NIPBL: variants seen among roughly 807,000 people sequenced by gnomAD.
The protein encoded by NIPBL is nipped-B-like protein.
A neutral mutation model predicts 321.8 loss-of-function variants in NIPBL; 19 were observed. The observed-to-expected ratio is 0.06, with a 90% CI of 0.04 to 0.09. The LOEUF is 0.09. Among genes scored for constraint, NIPBL ranks in the 10% least tolerant of loss-of-function variants. NIPBL has a pLI of 1.00. For synonymous variants in NIPBL, 1,106 were observed against 1,114.1 expected (o/e 0.99, Z 0.14); for missense variants, 2,210 against 3,327.0 (o/e 0.66, Z 8.26).
intron 38 of NIPBL, among the ~76,000 whole-genome samples, chr5:37,047,716 T>C (rs954409807): frequency 1.4e-4 from 22 of 152,344 alleles, no homozygotes; most frequent in Middle Eastern, 3.4e-3. Context: ...GGGCCATAGT[T>C]ATCCTGAGTG....
intron 9 of NIPBL, among the ~76,000 whole-genome samples, chr5:36,982,496 G>A (rs1744257782): frequency 6.6e-6 from 1 of 151,716 alleles, no homozygotes; most frequent in African/African-American, 2.4e-5. Flanking sequence ...TTCAGTAGTT[G>A]AACGATTAAA....
intron 29 of NIPBL, among the ~76,000 whole-genome samples, chr5:37,023,949 C>G (rs1380065753): frequency 6.6e-6 from 1 of 151,346 alleles, no homozygotes; most frequent in East Asian, 1.9e-4. Context: ...GTGAATCACC[C>G]AAGGTCAGGA....
intron 27 of NIPBL, 96 bp from the exon 28 acceptor site, chr5:37,021,955 A>G (rs1749699830): frequency 2.2e-6 from 2 of 902,014 alleles, no homozygotes. Flanking sequence ...AGAGAGGTAA[A>G]TAATAGATTT....
intron 1 of NIPBL, chr5:36,886,180 G>A (rs1373612192): frequency 3.1e-6 from 2 of 647,702 alleles, no homozygotes; most frequent in Non-Finnish European, 5.7e-6. Context: ...CAGCCTGAGG[G>A]AGGTGGAGAC....
At chr5:37,033,637 A>T (rs1751322079) in intron 32 of NIPBL, among the ~76,000 whole-genome samples, 2 of 148,744 alleles carry the variant, frequency 1.3e-5, no homozygotes, top group Non-Finnish European at 3.0e-5. Flanking sequence ...CTTTTAGAAA[A>T]TATAGGAGAA....
At chr5:36,922,319 A>G (rs903397375) in intron 1 of NIPBL, among the ~76,000 whole-genome samples, 1 of 152,002 alleles carries the variant, frequency 6.6e-6, no homozygotes, top group Non-Finnish European at 1.5e-5. Context: ...TAATTTTTAT[A>G]CTCTTACCCT....
intron 27 of NIPBL, among the ~76,000 whole-genome samples, 192 bp from the exon 28 acceptor site, chr5:37,021,859 G>T (rs1331226136): frequency 6.6e-6 from 1 of 152,130 alleles, no homozygotes; most frequent in Non-Finnish European, 1.5e-5. Flanking sequence ...CCAAAGTATG[G>T]ACTATACACT....
chr5:37,048,585 T>G lies in NIPBL; in HGVS notation c.6673T>G (p.Ser2225Ala). ...LYNNILSDKNSSVNLKIQVLK... is the reference protein window; with the variant it reads ...LYNNILSDKNASVNLKIQVLK... The stretch of plus-strand genomic sequence containing the variant: ...TAATAATATTTTATCTGATAAGAAC[T>G]CCTCAGTCAATTTAAAAATACAAGT... Residue 2225 changes from serine to alanine, a missense_variant, in exon 39 of 47, where the codon TCC becomes GCC. Physicochemically the swap from Ser to Ala is moderately conservative, Grantham distance 99. Coordinates refer to ENST00000282516, the MANE Select transcript of NIPBL (RefSeq NM_133433.4). The G allele has an allele frequency of 6.3e-7, 1 of 1,597,592 alleles. No homozygotes were observed. The highest frequency in any genetic ancestry group is 8.6e-7 in the Non-Finnish European group (1 of 1,167,902).
chr5:36,926,618 A>T (rs1205553600), intron 1 of NIPBL, among the ~76,000 whole-genome samples: 2 of 152,186 alleles, frequency 1.3e-5, no homozygotes, highest in African/African-American at 4.8e-5. Context: ...TTTCTGCTGC[A>T]TTTTATTCAC....
At chr5:36,936,261 TAC>T (rs1221321709) in intron 1 of NIPBL, among the ~76,000 whole-genome samples, 3 of 152,142 alleles carry the variant, frequency 2.0e-5, no homozygotes, top group African/African-American at 7.2e-5. Flanking sequence ...ATATATAACA[TAC>T]ACAGTCATGC....
chr5:36,885,482 TACCTGG>T, intron 1 of NIPBL: 1 of 496,420 alleles, frequency 2.0e-6, no homozygotes, highest in South Asian at 1.5e-5. Flanking sequence ...CCTGGCCTCC[TACCTGG>T]ACAGAGTGAG....
chr5:36,895,602 C>T (rs193081551), intron 1 of NIPBL, among the ~76,000 whole-genome samples: 122 of 152,260 alleles, frequency 8.0e-4, no homozygotes, highest in Non-Finnish European at 1.0e-3. Context: ...GTTAGACTGT[C>T]TTTACATCCT....
At chr5:36,982,194 T>C in intron 9 of NIPBL, 1 of 977,722 alleles carries the variant, frequency 1.0e-6, no homozygotes, top group South Asian at 4.7e-5. Context: ...GCTAATCTTA[T>C]GGTTCCCAGT....
intron 1 of NIPBL, among the ~76,000 whole-genome samples, chr5:36,911,051 AT>A (rs1329628778): frequency 1.3e-5 from 2 of 152,238 alleles, no homozygotes; most frequent in Admixed American, 1.3e-4. Flanking sequence ...ATTTAAAAAA[AT>A]ATCTAGACTA....
rs1335669297 is a variant in NIPBL at position 37,000,416 on chromosome 5, A to G, written c.3348A>G (p.Glu1116=). The G allele has an allele frequency of 6.2e-7, 1 of 1,613,306 alleles. No homozygotes were observed. The highest frequency in any genetic ancestry group is 8.5e-7 in the Non-Finnish European group (1 of 1,179,462). ...AAAAAGATGATGATAAAGCTTGGGA[A>G]TATGAAGAGCGTGACAGAAGAAGCT... ...RHKKDDDKAW[E]YEERDRRSSG... The change falls in exon 12 of 47, where the codon GAA becomes GAG. Residue 1116 remains glutamate (E), a synonymous_variant. Transcript: ENST00000282516.
chr5:36,989,918 A>G (rs1451252992), intron 10 of NIPBL, among the ~76,000 whole-genome samples: 1 of 150,806 alleles, frequency 6.6e-6, no homozygotes, highest in Non-Finnish European at 1.5e-5. Flanking sequence ...GCTTATTATC[A>G]GTAATTACAA....
intron 1 of NIPBL, among the ~76,000 whole-genome samples, chr5:36,942,467 C>T (rs796853307): frequency 1.7e-4 from 23 of 132,842 alleles, no homozygotes; most frequent in Middle Eastern, 5.3e-3. Flanking sequence ...AGGCCAGGTG[C>T]GGTGGCTAAC....
At position 36,988,037 on chromosome 5, in the gene NIPBL, A is replaced by G. The variant is rs1427330385; in HGVS notation, c.3121+1736A>G. Among the ~76,000 whole-genome samples the G allele has an allele frequency of 3.9e-5, 6 of 152,126 alleles. No individual in the cohort carries two copies. The East Asian group carries it at 1.2e-3, about 29-fold the overall frequency. ...CCCTCTTGTTCCTTTGATCTGGACC[A>G]TCTTTCTCTCCCTCCCCTCTCAGCT... On this transcript the variant is annotated intron_variant, in intron 10 of 46. Transcript: ENST00000282516.
intron 11 of NIPBL, among the ~76,000 whole-genome samples, chr5:36,998,608 T>C (rs1467272982): frequency 6.6e-6 from 1 of 152,108 alleles, no homozygotes; most frequent in Non-Finnish European, 1.5e-5. Flanking sequence ...GCCCAGGAGT[T>C]TGAGACCAGC....
Sources: gnomAD v4.1 joint callset for allele counts (sites outside exome capture counted in the v4.1 genomes callset) on GRCh38, gnomAD v4.1.1 for gene constraint, MANE v1.5 for transcripts, NCBI Gene and HGNC (gene_info 2026-07-23, HGNC 2026-07-21) for gene names.